TEX15: variants seen among roughly 807,000 people sequenced by gnomAD.
The protein encoded by TEX15 is testis-expressed protein 15.
TEX15 carries 171 observed loss-of-function variants against 237.3 expected under a neutral mutation model. The observed-to-expected ratio is 0.72, with a 90% CI of 0.64 to 0.82. The LOEUF (loss-of-function observed/expected upper bound fraction) is 0.82, where lower values mean the gene tolerates loss of function less well. Ranked by LOEUF, TEX15 falls within the 40% of genes least tolerant of loss-of-function variation. The pLI, the probability that TEX15 is intolerant of heterozygous loss-of-function variation, is 0.00. For synonymous variants in TEX15, 1,338 were observed against 1,269.8 expected, an observed-to-expected ratio of 1.05 and a Z score of -1.14; for missense variants, 3,750 against 3,646.5, an observed-to-expected ratio of 1.03 and a Z score of -0.73.
intron 1 of TEX15, among the ~76,000 whole-genome samples, chr8:30,903,485 G>A (rs1470016157): frequency 1.3e-5 from 2 of 152,190 alleles, no homozygotes; most frequent in Non-Finnish European, 2.9e-5. Context: ...AGAGAAAGGT[G>A]AGAAACAGCT....
At chr8:30,883,788 G>A (rs1429926017) in intron 3 of TEX15, among the ~76,000 whole-genome samples, 1 of 152,068 alleles carries the variant, frequency 6.6e-6, no homozygotes, top group South Asian at 2.1e-4. Flanking sequence ...CTCTGTTACT[G>A]TAAATATTAC....
At chr8:30,870,467 A>G (rs1050290968) in intron 4 of TEX15, among the ~76,000 whole-genome samples, 7 of 151,984 alleles carry the variant, frequency 4.6e-5, no homozygotes, top group Admixed American at 2.0e-4. Flanking sequence ...TCTAAGTTTA[A>G]GCGGAAACAC....
intron 2 of TEX15, among the ~76,000 whole-genome samples, chr8:30,890,361 T>G (rs964838724): frequency 8.5e-5 from 13 of 152,132 alleles, no homozygotes; most frequent in Admixed American, 4.6e-4. Context: ...ATAATCCTGT[T>G]ATTATTAGGA....
chr8:30,851,735 G>A (rs149012534), intron 7 of TEX15, among the ~76,000 whole-genome samples: 2 of 152,108 alleles, frequency 1.3e-5, no homozygotes, highest in African/African-American at 2.4e-5. Flanking sequence ...TCAGGAGTTC[G>A]AGACCAGCCT....
intron 1 of TEX15, among the ~76,000 whole-genome samples, chr8:30,900,504 G>T (rs1013822610): frequency 2.0e-5 from 3 of 152,306 alleles, no homozygotes; most frequent in Non-Finnish European, 4.4e-5. Flanking sequence ...TATGTCTACT[G>T]TAATTATAGT....
At position 30,846,411 on chromosome 8, in the gene TEX15, C is replaced by G. The variant is rs548011487; in HGVS notation, c.3756G>C (p.Thr1252=). 4.3e-6 allele frequency: 7 copies of G among 1,613,336 alleles called. No individual in the cohort carries two copies. In the South Asian group the frequency reaches 5.5e-5, roughly 13 times the overall value. The change falls in exon 8 of 11, where the codon ACG becomes ACC. Residue 1252 remains threonine, a synonymous_variant. Coordinates refer to ENST00000643185, the MANE Select transcript of TEX15 (RefSeq NM_001350162.2). Reference sequence around the variant, plus strand: ...AAGATTCACTGTTCTGATTTTCAGACGTATGATTCACATCTGTATTACGAC... The same window carrying G: ...AAGATTCACTGTTCTGATTTTCAGAGGTATGATTCACATCTGTATTACGAC... The part of the protein sequence containing the change: ...DLSRNTDVNH[T]SENQNSESLF...
chr8:30,900,297 G>C (rs1364794479), intron 1 of TEX15, among the ~76,000 whole-genome samples: 1 of 152,054 alleles, frequency 6.6e-6, no homozygotes, highest in Non-Finnish European at 1.5e-5. Flanking sequence ...GCAATATCAG[G>C]GTAATTAAAA....
At chr8:30,898,115 C>T (rs760472489) in intron 2 of TEX15, among the ~76,000 whole-genome samples, 7 of 152,122 alleles carry the variant, frequency 4.6e-5, no homozygotes, top group Admixed American at 1.3e-4. Context: ...CAATTATGTA[C>T]GGGACAATAT....
intron 5 of TEX15, among the ~76,000 whole-genome samples, chr8:30,866,601 T>C (rs1808172018): frequency 6.6e-6 from 1 of 152,138 alleles, no homozygotes; most frequent in Admixed American, 6.6e-5. Context: ...AAATTCTCCA[T>C]AAATCTAACT....
At chr8:30,870,348 G>A (rs1808266749) in intron 4 of TEX15, among the ~76,000 whole-genome samples, 1 of 151,902 alleles carries the variant, frequency 6.6e-6, no homozygotes, top group African/African-American at 2.4e-5. Context: ...GCTTTGGATG[G>A]AATGCCTATG....
In TEX15 at chr8:30,842,215, A is replaced by G. The variant is rs1179505085; in HGVS notation, c.7952T>C (p.Leu2651Pro). The change falls in exon 8 of 11, where the codon CTG becomes CCG. Residue 2651 changes from leucine to proline, a missense_variant. By Grantham distance (98) the Leu-to-Pro change is moderately conservative. Transcript: ENST00000643185. ...AATATTCATTTTTTCTTTTCTCTTC[A>G]GCTGTAAAATCTTCCTTCTGTTATA... Reference protein sequence around the residue: ...MLYNRRKILQLKRKEKMNIHI... With the variant: ...MLYNRRKILQPKRKEKMNIHI... The G allele has an allele frequency of 6.2e-7, 1 of 1,611,988 alleles. No individual in the cohort carries two copies. Among genetic ancestry groups the G allele is most frequent in the East Asian group, 2.2e-5 (1 of 44,824 alleles).
chr8:30,862,453 A>G (rs549236747), intron 5 of TEX15, among the ~76,000 whole-genome samples: 12 of 152,308 alleles, frequency 7.9e-5, no homozygotes, highest in Admixed American at 1.3e-4. Flanking sequence ...TTACAATTAT[A>G]CCTGCATGTC....
At chr8:30,910,070 C>G (rs1265636607) in intron 1 of TEX15, among the ~76,000 whole-genome samples, 1 of 152,006 alleles carries the variant, frequency 6.6e-6, no homozygotes, top group Non-Finnish European at 1.5e-5. Context: ...AAAATTAAAA[C>G]TGCCAATTTT....
intron 7 of TEX15, 102 bp downstream of exon 7, chr8:30,858,566 A>G (rs1807964284): frequency 9.8e-7 from 1 of 1,017,298 alleles, no homozygotes; most frequent in Non-Finnish European, 1.4e-6. Flanking sequence ...CCAAAGTGCT[A>G]GGATTACAGG....
intron 2 of TEX15, among the ~76,000 whole-genome samples, chr8:30,895,676 C>CTTTTTTTTTTTGTTTTTTTTTT (rs1808889387): frequency 1.7e-5 from 1 of 60,060 alleles, no homozygotes; most frequent in African/African-American, 8.1e-5. Context: ...TAAACACATG[C>CTTTTTTTTTTTGTTTTTTTTTT]TTTTTTTTTT....
rs139846176 is a variant in TEX15 at position 30,839,192 on chromosome 8, T to C, written c.8222+714A>G. ...TATTATGTTGAGAAGGGAAAAGTAG[T>C]ACTATTTCTCTGTAGTCAAGAGAAA... is the stretch of plus-strand genomic sequence containing the variant. On this transcript the variant is annotated intron_variant, in intron 9 of 10. Transcript: ENST00000643185. Among the ~76,000 whole-genome samples, 11 of 152,264 alleles carry C rather than the reference T, an allele frequency of 7.2e-5. No homozygotes were observed. In the East Asian group the frequency reaches 2.1e-3, roughly 29 times the overall value.
At chr8:30,893,788 T>A (rs1808841211) in intron 2 of TEX15, among the ~76,000 whole-genome samples, 1 of 152,254 alleles carries the variant, frequency 6.6e-6, no homozygotes, top group South Asian at 2.1e-4. Flanking sequence ...CATGATGTTC[T>A]AGGCTAAGTA....
intron 7 of TEX15, among the ~76,000 whole-genome samples, chr8:30,853,858 A>C (rs1242427690): frequency 1.3e-5 from 2 of 152,186 alleles, no homozygotes; most frequent in Non-Finnish European, 2.9e-5. Flanking sequence ...TTAACAAAAA[A>C]ATTTTGGAAA....
At position 30,842,769 on chromosome 8, in the gene TEX15, T is replaced by C. The variant is rs1807491991; in HGVS notation, c.7398A>G (p.Leu2466=). ...GCATACCTCGAAACCTCTGTTTGTC[T>C]AGTTTCTTTGCTATTGAGTTTTTAA... ...HFLKNSIAKK[L]DKQRFRGMLW... The change falls in exon 8 of 11, where the codon CTA becomes CTG. Residue 2466 remains leucine, a synonymous_variant. Transcript: ENST00000643185. 1 of 1,613,354 alleles carries C rather than the reference T, an allele frequency of 6.2e-7. No homozygotes were observed. Among genetic ancestry groups the C allele is most frequent in the African/African-American group, 1.3e-5 (1 of 74,880 alleles).
Sources: gnomAD v4.1 joint callset for allele counts (sites outside exome capture counted in the v4.1 genomes callset) on GRCh38, gnomAD v4.1.1 for gene constraint, MANE v1.5 for transcripts, NCBI Gene and HGNC (gene_info 2026-07-23, HGNC 2026-07-21) for gene names.